CYB5RL: variants seen among roughly 807,000 people sequenced by gnomAD.
CYB5RL encodes the protein cytochrome b5 reductase like.
CYB5RL carries 38 observed loss-of-function variants against 37.5 expected under a neutral mutation model. That is an observed-to-expected ratio of 1.01 (90% CI 0.78 to 1.33). The LOEUF (loss-of-function observed/expected upper bound fraction) is 1.33. CYB5RL is among the 40% of genes most tolerant of loss of function. The pLI, the probability that CYB5RL is intolerant of heterozygous loss-of-function variation, is 0.00. For synonymous variants in CYB5RL, 141 were observed against 151.9 expected (o/e 0.93, Z 0.53); for missense variants, 388 against 394.4 (o/e 0.98, Z 0.14).
chr1:54,179,640 G>A (rs7528869), intron 6 of CYB5RL, among the ~76,000 whole-genome samples: 100,237 of 152,108 alleles, frequency 0.66, 34,085 homozygotes, highest in Non-Finnish European at 0.74. Context: ...TCCCCACAAG[G>A]ACTCTGCTTA....
rs1356264699 is a variant in CYB5RL at position 54,171,384 on chromosome 1, G to A, written c.*3235C>T. 6 of 456,286 alleles carry A rather than the reference G, an allele frequency of 1.3e-5. No individual in the cohort carries two copies. Among genetic ancestry groups the A allele is most frequent in the Non-Finnish European group, 2.6e-5 (6 of 226,824 alleles). The allele number at this position is 456,286 out of a possible 1,614,324, so 28.3% of individuals were successfully genotyped here. A position where few individuals can be genotyped will look rare whatever the true frequency, so the allele number is the denominator to read the frequency against. Reference sequence around the variant, plus strand: ...GAGACAGGGAAGGATTTCAAGCAGGGGAGTGACAGGCTTGGATTTGTGTGT... The same window carrying A: ...GAGACAGGGAAGGATTTCAAGCAGGAGAGTGACAGGCTTGGATTTGTGTGT... On this transcript the variant is annotated 3_prime_UTR_variant, in exon 8 of 8. Coordinates refer to ENST00000534324, the MANE Select transcript of CYB5RL (RefSeq NM_001031672.4).
At chr1:54,180,380 C>T (rs1056763707) in intron 6 of CYB5RL, 19 of 303,524 alleles carry the variant, frequency 6.3e-5, no homozygotes, top group Non-Finnish European at 1.2e-4. Flanking sequence ...CCAAGGCAGG[C>T]GGTTCACGAG....
chr1:54,188,000 C>T (rs1317561245), intron 4 of CYB5RL: 5 of 447,200 alleles, frequency 1.1e-5, no homozygotes, highest in East Asian at 4.2e-5. Context: ...CACTTGAACC[C>T]GGGAGGTGGA....
At chr1:54,182,608 G>A (rs1218918787) in intron 6 of CYB5RL, among the ~76,000 whole-genome samples, 5 of 151,876 alleles carry the variant, frequency 3.3e-5, no homozygotes, top group Middle Eastern at 3.2e-3. Context: ...AGAGTGCAGC[G>A]GCATGATCTC....
chr1:54,184,952 G>C (rs1244815398), intron 5 of CYB5RL: 1 of 152,282 alleles, frequency 6.6e-6, no homozygotes, highest in Admixed American at 6.5e-5. Flanking sequence ...CCTCCATGGA[G>C]AAGGGAGTCT....
intron 1 of CYB5RL, among the ~76,000 whole-genome samples, chr1:54,199,453 T>C (rs1271533404): frequency 6.6e-6 from 1 of 152,164 alleles, no homozygotes; most frequent in African/African-American, 2.4e-5. Flanking sequence ...TTGACTTATT[T>C]GTTCGCGTTG....
chr1:54,179,049 C>T, intron 7 of CYB5RL, 100 bp downstream of exon 7: 1 of 1,373,008 alleles, frequency 7.3e-7, no homozygotes. Context: ...ATTATGACCA[C>T]AGCATCCATT....
intron 1 of CYB5RL, among the ~76,000 whole-genome samples, chr1:54,198,785 T>A (rs986548561): frequency 1.3e-5 from 2 of 151,896 alleles, no homozygotes; most frequent in African/African-American, 4.8e-5. Flanking sequence ...GTGCGTGCCA[T>A]CACGCCTCGC....
rs760049713 is a variant in CYB5RL at position 54,187,640 on chromosome 1, G to T, written c.435+12C>A. ...CCACGGCATCTTGGAGCATCCTCAA[G>T]GGTCAACTCACCTTAATTAACACTT... On this transcript the variant is annotated intron_variant, in intron 5 of 7. Transcript: ENST00000534324. 4 of 1,613,388 alleles carry T rather than the reference G, an allele frequency of 2.5e-6. No homozygotes were observed. In the South Asian group the frequency reaches 4.4e-5, roughly 18 times the overall value.
rs1644061438 is a variant in CYB5RL at position 54,199,959 on chromosome 1, C to T, written c.-223+17G>A. The T allele has an allele frequency of 6.5e-6, 3 of 462,168 alleles. No homozygotes were observed. The highest frequency in any genetic ancestry group is 1.2e-5 in the Non-Finnish European group (3 of 260,710). 28.6% of individuals were successfully genotyped at this position (462,168 alleles called of 1,614,324 possible). On this transcript the variant is annotated intron_variant, in intron 1 of 7. Transcript: ENST00000534324. ...CTGAAGTCCTGGAGCGATTCTCCAC[C>T]CACCACGACCACTCACCTACTCGCC...
intron 5 of CYB5RL, chr1:54,186,428 G>T (rs1466597778): frequency 6.6e-6 from 1 of 152,200 alleles, no homozygotes; most frequent in African/African-American, 2.4e-5. Context: ...TTCTACTTGG[G>T]AGGGTCAAAC....
chr1:54,198,732 A>G (rs529347622), intron 1 of CYB5RL, among the ~76,000 whole-genome samples: 81 of 150,750 alleles, frequency 5.4e-4, no homozygotes, highest in African/African-American at 1.8e-3. Context: ...CCGAGGCCCA[A>G]GTGATCCTCC....
intron 4 of CYB5RL, among the ~76,000 whole-genome samples, chr1:54,188,204 C>T (rs116492897): frequency 6.6e-6 from 1 of 152,222 alleles, no homozygotes; most frequent in African/African-American, 2.4e-5. Context: ...TCCACTGCCA[C>T]GTGCTGGCTG....
intron 1 of CYB5RL, among the ~76,000 whole-genome samples, chr1:54,199,183 T>C (rs1170697955): frequency 6.6e-6 from 1 of 152,210 alleles, no homozygotes; most frequent in Non-Finnish European, 1.5e-5. Flanking sequence ...AACCTTCCCC[T>C]ACTCATTCTC....
rs888397767 is a variant in CYB5RL, at chr1:54,172,067, C to T, written c.*2552G>A. 1 of 154,166 alleles carries T rather than the reference C, an allele frequency of 6.5e-6. No homozygotes were observed. The highest frequency in any genetic ancestry group is 1.4e-5 in the Non-Finnish European group (1 of 69,308). The allele number at this position is 154,166 out of a possible 1,614,324, so 9.5% of individuals were successfully genotyped here. On this transcript the variant is annotated 3_prime_UTR_variant, in exon 8 of 8. Transcript: ENST00000534324. ...ACCACTGGGTGGCCTTGTATAATAT[C>T]TAAATATCTAAACATCTAAAATGAG...
intron 3 of CYB5RL, 117 bp downstream of exon 3, chr1:54,195,302 T>G: frequency 1.6e-6 from 2 of 1,222,556 alleles, no homozygotes; most frequent in Non-Finnish European, 2.2e-6. Flanking sequence ...GCTTCTGTTA[T>G]GCATACTCTT....
intron 6 of CYB5RL, among the ~76,000 whole-genome samples, chr1:54,183,010 C>A: frequency 6.6e-6 from 1 of 152,066 alleles, no homozygotes; most frequent in East Asian, 1.9e-4. Context: ...TAAAAATCAC[C>A]CATAATTTCA....
In CYB5RL at chr1:54,174,632, T is replaced by C; in HGVS notation, c.935A>G (p.Tyr312Cys). The change falls in exon 8 of 8, where the codon TAT becomes TGT. Residue 312 changes from tyrosine (Y) to cysteine (C), a missense_variant. Tyr to Cys is a radical substitution (Grantham distance 194). Transcript: ENST00000534324. ...LLCAGLTEDS[Y>C]FLF ...GAGAGGCCAGGGCTAGAAGAGGAAA[T>C]AGGAGTCCTCAGTGAGGCCTGCGCA... is the stretch of plus-strand genomic sequence containing the variant. 4 of 1,609,614 alleles carry C rather than the reference T, an allele frequency of 2.5e-6. No individual in the cohort carries two copies. The highest frequency in any genetic ancestry group is 1.1e-5 in the South Asian group (1 of 89,948).
In CYB5RL at chr1:54,169,806, G is replaced by A. The variant is rs1659850522; in HGVS notation, c.*4813C>T. On this transcript the variant is annotated 3_prime_UTR_variant, in exon 8 of 8. Coordinates refer to ENST00000534324, the MANE Select transcript of CYB5RL (RefSeq NM_001031672.4). Reference sequence around the variant, plus strand: ...ATTTTTATAGTAAAATACAAATACAGATATGGCTAAAAACCCCATCACCCC... The same window carrying A: ...ATTTTTATAGTAAAATACAAATACAAATATGGCTAAAAACCCCATCACCCC... 1 of 152,274 alleles carries A rather than the reference G, an allele frequency of 6.6e-6. No individual in the cohort carries two copies. The highest frequency in any genetic ancestry group is 6.5e-5 in the Admixed American group (1 of 15,284). The allele number at this position is 152,274 out of a possible 1,614,324, so 9.4% of individuals were successfully genotyped here.
Sources: allele counts gnomAD v4.1 joint callset (sites outside exome capture counted in the v4.1 genomes callset), GRCh38; gene constraint gnomAD v4.1.1; transcripts MANE v1.5; gene names NCBI Gene and HGNC (gene_info 2026-07-23, HGNC 2026-07-21).